Variants in DNM3 observed in about 807,000 individuals in gnomAD.
DNM3 encodes the protein dynamin 3, also known as dynamin-3.
A neutral mutation model predicts 101.6 loss-of-function variants in DNM3; 47 were observed. The observed-to-expected ratio is 0.46, with a 90% CI of 0.37 to 0.59. DNM3 has a LOEUF of 0.59. Ranked by LOEUF, DNM3 falls within the 20% of genes least tolerant of loss-of-function variation. DNM3 has a pLI of 0.00. For synonymous variants in DNM3, 385 were observed against 387.9 expected (o/e 0.99, Z 0.09); for missense variants, 849 against 1,085.7 (o/e 0.78, Z 3.06).
intron 14 of DNM3, among the ~76,000 whole-genome samples, chr1:172,189,700 T>C (rs1418681626): frequency 2.6e-5 from 4 of 152,032 alleles, no homozygotes; most frequent in Non-Finnish European, 4.4e-5. Context: ...AAAAGAGATT[T>C]AATCAATTCA....
intron 4 of DNM3, among the ~76,000 whole-genome samples, chr1:172,030,704 G>GA (rs961552193): frequency 1.1e-4 from 17 of 151,132 alleles, no homozygotes; most frequent in African/African-American, 2.9e-4. Flanking sequence ...AAATTTACAA[G>GA]AAAAAAAACA....
chr1:171,878,703 C>T (rs1222275329), intron 1 of DNM3, among the ~76,000 whole-genome samples: 4 of 152,150 alleles, frequency 2.6e-5, no homozygotes, highest in Non-Finnish European at 5.9e-5. Context: ...TGTGAAAAGA[C>T]ATACCATTAG....
Position 172,412,326 on chromosome 1 carries a change from G to A in DNM3, c.*4485G>A, listed in dbSNP as rs1051527593. 23 of 985,362 alleles carry A rather than the reference G, an allele frequency of 2.3e-5. No individual in the cohort carries two copies. Among genetic ancestry groups the A allele is most frequent in the Non-Finnish European group, 2.5e-5 (21 of 829,894 alleles). The allele number at this position is 985,362 out of a possible 1,614,324, so 61.0% of individuals were successfully genotyped here. A position where few individuals can be genotyped will look rare whatever the true frequency, so the allele number is the denominator to read the frequency against. On this transcript the variant is annotated 3_prime_UTR_variant, in exon 21 of 21. Transcript: ENST00000627582. ...CACTTGCCTTGTCTGCTACCAGTTT[G>A]TTAAAAATTATTCCCCCCAACCAGT...
At chr1:172,286,525 A>G (rs1437282834) in intron 15 of DNM3, among the ~76,000 whole-genome samples, 2 of 152,314 alleles carry the variant, frequency 1.3e-5, no homozygotes, top group African/African-American at 4.8e-5. Context: ...TTGTCCCCCT[A>G]TGGGAAAATA....
At position 172,164,767 on chromosome 1, in the gene DNM3, C is replaced by CCTAT. The variant is rs1477371206; in HGVS notation, c.1659+33479_1659+33480insCTAT. ...GCAAGGGTGGCCCAATCTACCAAAC[C>CCTAT]ATAGCCACTCCTGCTCCTGGAGGAC... is the stretch of plus-strand genomic sequence containing the variant. On this transcript the variant is annotated intron_variant, in intron 14 of 20. Coordinates refer to ENST00000627582, the MANE Select transcript of DNM3 (RefSeq NM_015569.5). Among the ~76,000 whole-genome samples the CCTAT allele has an allele frequency of 4.6e-5, 7 of 152,124 alleles. No individual in the cohort carries two copies. The East Asian group carries it at 1.4e-3, about 30-fold the overall frequency.
chr1:172,042,886 G>A (rs2049492192), intron 8 of DNM3, among the ~76,000 whole-genome samples: 2 of 152,146 alleles, frequency 1.3e-5, no homozygotes, highest in Non-Finnish European at 2.9e-5. Flanking sequence ...TTGATTTGTT[G>A]ATGATTTTAG....
intron 13 of DNM3, among the ~76,000 whole-genome samples, chr1:172,105,491 A>G (rs527755770): frequency 8.1e-4 from 123 of 152,356 alleles, no homozygotes; most frequent in African/African-American, 2.8e-3. Context: ...TGATTTTTGT[A>G]CAGTGACACA....
intron 11 of DNM3, among the ~76,000 whole-genome samples, chr1:172,080,948 G>A (rs967009999): frequency 6.6e-6 from 1 of 152,092 alleles, no homozygotes; most frequent in African/African-American, 2.4e-5. Flanking sequence ...ACCCTCCATG[G>A]GCTGCACCCA....
At chr1:172,061,487 G>A (rs941040392) in intron 10 of DNM3, among the ~76,000 whole-genome samples, 7 of 151,294 alleles carry the variant, frequency 4.6e-5, no homozygotes, top group Admixed American at 6.6e-5. Context: ...AGAAAATGTG[G>A]CATATATACA....
intron 10 of DNM3, among the ~76,000 whole-genome samples, chr1:172,066,783 C>A (rs1245307596): frequency 6.6e-6 from 1 of 152,132 alleles, no homozygotes; most frequent in Admixed American, 6.5e-5. Flanking sequence ...CATTACATCA[C>A]GTAAGTGGAT....
chr1:172,145,477 C>G (rs1311391728), intron 14 of DNM3, among the ~76,000 whole-genome samples: 3 of 151,618 alleles, frequency 2.0e-5, no homozygotes, highest in Non-Finnish European at 2.9e-5. Context: ...GCAGGCTGCT[C>G]TAGACTTGAA....
intron 15 of DNM3, among the ~76,000 whole-genome samples, chr1:172,263,449 G>C (rs543444327): frequency 1.3e-5 from 2 of 152,146 alleles, no homozygotes; most frequent in Non-Finnish European, 1.5e-5. Context: ...TATTGGTACT[G>C]TGTATTATTC....
intron 14 of DNM3, among the ~76,000 whole-genome samples, chr1:172,174,401 T>C (rs1035670927): frequency 6.6e-6 from 1 of 151,678 alleles, no homozygotes; most frequent in East Asian, 1.9e-4. Context: ...TGTTTTGAAA[T>C]AAATTTGTCC....
chr1:171,885,794 G>A (rs1475700444), intron 1 of DNM3, among the ~76,000 whole-genome samples: 1 of 152,196 alleles, frequency 6.6e-6, no homozygotes, highest in African/African-American at 2.4e-5. Context: ...CCTAAAGGCA[G>A]ACTCTACCAG....
intron 1 of DNM3, among the ~76,000 whole-genome samples, chr1:171,874,313 C>G (rs893751983): frequency 1.6e-4 from 24 of 152,068 alleles, no homozygotes; most frequent in Admixed American, 2.0e-4. Context: ...TTAATTATCT[C>G]TTAATTAATT....
intron 17 of DNM3, among the ~76,000 whole-genome samples, chr1:172,366,120 C>A (rs1208754163): frequency 6.6e-6 from 1 of 151,738 alleles, no homozygotes; most frequent in Non-Finnish European, 1.5e-5. Context: ...TGTAACCCTG[C>A]TACTTGGGAA....
intron 12 of DNM3, among the ~76,000 whole-genome samples, chr1:172,085,494 C>T (rs76460478): frequency 0.01 from 1,528 of 152,098 alleles, 22 homozygotes; most frequent in African/African-American, 0.033. Context: ...TTTATGCAGT[C>T]CAATGGTTAA....
rs543008847 is a variant in DNM3 at position 172,344,616 on chromosome 1, G to C, written c.1893+21276G>C. Among the ~76,000 whole-genome samples the C allele has an allele frequency of 7.9e-5, 12 of 152,278 alleles. No individual in the cohort carries two copies. In the South Asian group the frequency reaches 2.5e-3, roughly 32 times the overall value. On this transcript the variant is annotated intron_variant, in intron 17 of 20. Coordinates refer to ENST00000627582, the MANE Select transcript of DNM3 (RefSeq NM_015569.5). ...GCTGTTGCCAACTGAGTGGTCTAGAGTCCCTGCTAATTACCTCCTTCCACA... is the reference window on the plus strand; with the variant it reads ...GCTGTTGCCAACTGAGTGGTCTAGACTCCCTGCTAATTACCTCCTTCCACA...
chr1:172,032,172 G>A (rs968705012), intron 4 of DNM3, among the ~76,000 whole-genome samples: 22 of 152,066 alleles, frequency 1.4e-4, no homozygotes, highest in Admixed American at 9.2e-4. Context: ...ATAGCTATTT[G>A]TTTTTCTCCC....
Sources: allele counts gnomAD v4.1 joint callset (sites outside exome capture counted in the v4.1 genomes callset), GRCh38; gene constraint gnomAD v4.1.1; transcripts MANE v1.5; gene names NCBI Gene and HGNC (gene_info 2026-07-23, HGNC 2026-07-21).